The following PTPRF variants were observed in gnomAD, a reference collection of about 807,000 sequenced individuals.
The protein encoded by PTPRF is receptor-type tyrosine-protein phosphatase F.
Under a neutral mutation model 201.8 loss-of-function variants are expected in PTPRF, and 59 were observed. The ratio of observed to expected loss-of-function variants is 0.29; its 90% CI spans 0.24 to 0.36. PTPRF has a LOEUF of 0.36. Ranked by LOEUF, PTPRF falls within the 10% of genes least tolerant of loss-of-function variation. The probability of loss-of-function intolerance (pLI) is 1.00; values close to 1 mark genes in which losing one functional copy is unlikely to be tolerated. For synonymous variants in PTPRF, 1,088 were observed against 1,089.7 expected, an observed-to-expected ratio of 1.00 and a Z score of 0.03; for missense variants, 2,132 against 2,690.5, an observed-to-expected ratio of 0.79 and a Z score of 4.59.
At chr1:43,529,422 C>A (rs1365294110), upstream of PTPRF, among the ~76,000 whole-genome samples, 1 of 152,208 alleles carries the variant, frequency 6.6e-6, no homozygotes, top group Non-Finnish European at 1.5e-5. Flanking sequence ...CCATGCCCTG[C>A]ACATTACCAC....
rs748151594 is a variant in PTPRF, at chr1:43,619,150, C to T, written c.4594C>T (p.Arg1532Trp). 5.9e-6 allele frequency: 9 copies of T among 1,528,236 alleles called. No homozygotes were observed. The highest frequency in any genetic ancestry group is 3.5e-4 in the Middle Eastern group (2 of 5,668). 94.7% of individuals were successfully genotyped at this position (1,528,236 alleles called of 1,614,324 possible). ...YPTPILAFLR[R>W]VKACNPLDAG... Reference sequence around the variant, plus strand: ...AACTCCCATCCTGGCCTTCCTACGACGGGTCAAGGCCTGCAACCCCCTAGA... The same window carrying T: ...AACTCCCATCCTGGCCTTCCTACGATGGGTCAAGGCCTGCAACCCCCTAGA... The change falls in exon 27 of 34, where the codon CGG becomes TGG. Residue 1532 changes from arginine to tryptophan, a missense_variant. This residue lies in a region of PTPRF where 519 missense variants were observed against 659.5 expected (regional missense o/e 0.79). Coordinates refer to ENST00000359947, the MANE Select transcript of PTPRF (RefSeq NM_002840.5).
At chr1:43,590,684 A>G (rs558032422) in intron 8 of PTPRF, among the ~76,000 whole-genome samples, 8 of 152,370 alleles carry the variant, frequency 5.3e-5, no homozygotes, top group African/African-American at 1.9e-4. Flanking sequence ...TCTGTTTGTT[A>G]GATGAGTCTG....
chr1:43,565,578 C>T (rs544595605), intron 5 of PTPRF, among the ~76,000 whole-genome samples: 9 of 152,368 alleles, frequency 5.9e-5, no homozygotes, highest in East Asian at 1.9e-4. Context: ...CTTCTCCTTC[C>T]GTCCAGGGCA....
chr1:43,572,491 C>T (rs1198900281), intron 6 of PTPRF, among the ~76,000 whole-genome samples: 2 of 152,326 alleles, frequency 1.3e-5, no homozygotes, highest in African/African-American at 4.8e-5. Context: ...CCCACCTCTG[C>T]AGTAATAACT....
At position 43,553,431 on chromosome 1, in the gene PTPRF, C is replaced by T; in HGVS notation, c.92-61C>T. 3.3e-6 allele frequency: 5 copies of T among 1,533,300 alleles called. No homozygotes were observed. The highest frequency in any genetic ancestry group is 3.6e-6 in the Non-Finnish European group (4 of 1,123,696). The allele number at this position is 1,533,300 out of a possible 1,614,324, so 95.0% of individuals were successfully genotyped here. A position where few individuals can be genotyped will look rare whatever the true frequency, so the allele number is the denominator to read the frequency against. On this transcript the variant is annotated intron_variant, in intron 3 of 33. Transcript: ENST00000359947. The surrounding 1 kb of genome is among the most constrained non-coding windows in gnomAD (Gnocchi z 4.1). ...TCTCTGCCCCCATGACTGCCACCTTCCTCACTGGCCATTCCTATAGTGACT... is the reference window on the plus strand; with the variant it reads ...TCTCTGCCCCCATGACTGCCACCTTTCTCACTGGCCATTCCTATAGTGACT...
chr1:43,566,396 C>T (rs1026804701), intron 5 of PTPRF, among the ~76,000 whole-genome samples: 1 of 152,230 alleles, frequency 6.6e-6, no homozygotes, highest in Non-Finnish European at 1.5e-5. Flanking sequence ...ATAAATCTTA[C>T]TGTCCCTCAT....
intron 2 of PTPRF, among the ~76,000 whole-genome samples, chr1:43,544,672 T>C (rs1450321826): frequency 1.3e-5 from 2 of 152,312 alleles, no homozygotes; most frequent in African/African-American, 2.4e-5. Flanking sequence ...TGTCCTCTTA[T>C]GGGGGTGAGT....
At position 43,591,386 on chromosome 1, in the gene PTPRF, C is replaced by T; in HGVS notation, c.1364C>T (p.Ser455Phe). Residue 455 changes from serine to phenylalanine, a missense_variant, in exon 9 of 34, where the codon TCC (serine) becomes TTC (phenylalanine). By Grantham distance (155) the Ser-to-Phe change is radical (BLOSUM62 -2). Transcript: ENST00000359947. ...RGYRVYYTPD[S>F]RRPPNAWHKH... The stretch of plus-strand genomic sequence containing the variant: ...TACCGCGTCTACTATACTCCGGACT[C>T]CCGCCGCCCCCCGAACGCCTGGCAC... 1 of 1,559,392 alleles carries T rather than the reference C, an allele frequency of 6.4e-7. No individual in the cohort carries two copies. The highest frequency in any genetic ancestry group is 8.7e-7 in the Non-Finnish European group (1 of 1,153,308).
intron 6 of PTPRF, among the ~76,000 whole-genome samples, chr1:43,578,208 C>T (rs535061272): frequency 2.6e-4 from 40 of 152,060 alleles, no homozygotes; most frequent in African/African-American, 7.7e-4. Flanking sequence ...TTAGCAGGAC[C>T]GGGCTGAGGA....
In PTPRF at chr1:43,606,376, G is replaced by A. The variant is rs770740453; in HGVS notation, c.3620G>A (p.Arg1207Gln). ...ACCTTGGGGGACAAGAAGAACTACC[G>A]GGGCTTCTACAACCGGCCCCTGTCT... ...TFTLGDKKNY[R>Q]GFYNRPLSPD... Residue 1207 changes from arginine to glutamine, a missense_variant, in exon 20 of 34, where the codon CGG (arginine) becomes CAG (glutamine). Arg to Gln is a conservative substitution (Grantham distance 43). Transcript: ENST00000359947. The A allele has an allele frequency of 8.7e-6, 14 of 1,614,036 alleles. No homozygotes were observed. Among genetic ancestry groups the A allele is most frequent in the African/African-American group, 6.7e-5 (5 of 74,918 alleles).
intron 3 of PTPRF, among the ~76,000 whole-genome samples, chr1:43,547,731 C>T (rs997550039): frequency 1.3e-5 from 2 of 152,166 alleles, no homozygotes; most frequent in Admixed American, 6.5e-5. Context: ...TGGAGGGAAG[C>T]GGGTGGAGAA....
chr1:43,545,435 T>C (rs1644601354), intron 3 of PTPRF, among the ~76,000 whole-genome samples: 1 of 152,062 alleles, frequency 6.6e-6, no homozygotes, highest in African/African-American at 2.4e-5. Flanking sequence ...CCTGGATTCA[T>C]GTGGTCATTG....
rs750031933 is a variant in PTPRF at position 43,603,748 on chromosome 1, A to G, written c.2596A>G (p.Asn866Asp). Residue 866 changes from asparagine to aspartate, a missense_variant, in exon 16 of 34, where the codon AAC becomes GAC. Coordinates refer to ENST00000359947, the MANE Select transcript of PTPRF (RefSeq NM_002840.5). The surrounding 1 kb of genome is among the most constrained non-coding windows in gnomAD (Gnocchi z 5.8). ...QYCRADEARP[N>D]TIDFGKDDQH... ...CTGCCGGGCCGACGAGGCGCGGCCC[A>G]ACACCATAGATTTCGGCAAGGATGA... The G allele has an allele frequency of 6.9e-5, 111 of 1,613,852 alleles. 1 individual carries two copies. In the South Asian group the frequency reaches 9.6e-4, roughly 14 times the overall value.
Position 43,603,653 on chromosome 1 carries a change from A to G in PTPRF, c.2501A>G (p.Asn834Ser). ...ATGATGATCAGCACCACGGCCATGAACACTGCGCTGCTCCAGTGGCACCCA... is the reference window on the plus strand; with the variant it reads ...ATGATGATCAGCACCACGGCCATGAGCACTGCGCTGCTCCAGTGGCACCCA... The part of the protein sequence containing the change: ...PTMMISTTAM[N>S]TALLQWHPPK... The change falls in exon 16 of 34, where the codon AAC (asparagine) becomes AGC (serine). Residue 834 changes from asparagine to serine, a missense_variant. Physicochemically the swap from Asn to Ser is conservative, Grantham distance 46. Coordinates refer to ENST00000359947, the MANE Select transcript of PTPRF (RefSeq NM_002840.5). This position sits in a 1 kb window ranked among gnomAD's most constrained non-coding sequence, Gnocchi z 5.8. The G allele has an allele frequency of 1.2e-6, 2 of 1,613,482 alleles. No individual in the cohort carries two copies. The highest frequency in any genetic ancestry group is 1.7e-6 in the Non-Finnish European group (2 of 1,179,964).
intron 11 of PTPRF, among the ~76,000 whole-genome samples, chr1:43,594,789 C>G (rs1277623583): frequency 1.3e-5 from 2 of 152,122 alleles, no homozygotes; most frequent in Non-Finnish European, 2.9e-5. Context: ...CAGCTGGTCT[C>G]AGACACCCAA....
chr1:43,617,232 A>G (rs1158745127), intron 23 of PTPRF, among the ~76,000 whole-genome samples: 1 of 152,030 alleles, frequency 6.6e-6, no homozygotes, highest in Non-Finnish European at 1.5e-5. Flanking sequence ...ATTTGGTACC[A>G]TGGTCAGAGG....
At chr1:43,606,077 GGTGTCTGTTACTCT>G (rs1011048434) in intron 19 of PTPRF, among the ~76,000 whole-genome samples, 149 bp from the exon 20 acceptor site, 3 of 152,160 alleles carry the variant, frequency 2.0e-5, no homozygotes, top group African/African-American at 7.2e-5. Flanking sequence ...GTGGCTTCAC[GGTGTCTGTTACTCT>G]GTAGGGGCAG....
intron 3 of PTPRF, among the ~76,000 whole-genome samples, chr1:43,551,398 G>A (rs1645030066): frequency 6.6e-6 from 1 of 152,154 alleles, no homozygotes. Context: ...CTGCAGTCGG[G>A]AGAGCCTGGA....
Position 43,553,477 on chromosome 1 carries a change from C to T in PTPRF, c.92-15C>T, listed in dbSNP as rs1253500616. The T allele has an allele frequency of 1.9e-6, 3 of 1,612,428 alleles. No homozygotes were observed. Among genetic ancestry groups the T allele is most frequent in the Non-Finnish European group, 2.5e-6 (3 of 1,178,894 alleles). ...TGACTGTGCTGTGGTGACTTGGTGTCTCCATCTCTTCCAGGCAAACCTGTC... is the reference window on the plus strand; with the variant it reads ...TGACTGTGCTGTGGTGACTTGGTGTTTCCATCTCTTCCAGGCAAACCTGTC... On this transcript the variant is annotated splice_polypyrimidine_tract_variant and intron_variant, in intron 3 of 33. Coordinates refer to ENST00000359947, the MANE Select transcript of PTPRF (RefSeq NM_002840.5). The surrounding 1 kb of genome is among the most constrained non-coding windows in gnomAD (Gnocchi z 4.1).
Sources: allele counts gnomAD v4.1 joint callset (sites outside exome capture counted in the v4.1 genomes callset), GRCh38; gene constraint gnomAD v4.1.1; regional missense constraint gnomAD v4.1.1; non-coding constraint Gnocchi (gnomAD v3.1); transcripts MANE v1.5; gene names NCBI Gene and HGNC (gene_info 2026-07-23, HGNC 2026-07-21).